The following MTHFS variants were observed in gnomAD, a reference collection of about 807,000 sequenced individuals.
MTHFS encodes 5-formyltetrahydrofolate cyclo-ligase.
A neutral mutation model predicts 12.7 loss-of-function variants in MTHFS; 7 were observed. The ratio of observed to expected loss-of-function variants is 0.55; its 90% CI spans 0.31 to 1.03. The LOEUF is 1.03. Among genes scored for constraint, MTHFS ranks in the 50% least tolerant of loss-of-function variants. The probability of loss-of-function intolerance (pLI) is 0.05; values close to 1 mark genes in which losing one functional copy is unlikely to be tolerated. For synonymous variants in MTHFS, 100 were observed against 97.1 expected, an observed-to-expected ratio of 1.03 and a Z score of -0.18; for missense variants, 252 against 258.1, an observed-to-expected ratio of 0.98 and a Z score of 0.16.
chr15:79,878,382 C>G (rs2034236985), intron 2 of MTHFS, among the ~76,000 whole-genome samples: 1 of 151,532 alleles, frequency 6.6e-6, no homozygotes, highest in Non-Finnish European at 1.5e-5. Flanking sequence ...TAACTTGAGT[C>G]AAGCTTACAC....
intron 2 of MTHFS, among the ~76,000 whole-genome samples, chr15:79,888,303 A>G (rs2034414346): frequency 1.3e-5 from 2 of 152,194 alleles, no homozygotes; most frequent in South Asian, 4.1e-4. Context: ...TGAAAATAGA[A>G]AGATAGCAGG....
chr15:79,881,215 G>A (rs796833430), intron 2 of MTHFS, among the ~76,000 whole-genome samples: 22 of 152,304 alleles, frequency 1.4e-4, no homozygotes, highest in East Asian at 3.9e-4. Context: ...TATATGTAGC[G>A]AGGTTTAAGT....
chr15:79,889,361 G>C lies in MTHFS; in HGVS notation c.118-7C>G, dbSNP rs755303583. 6.2e-7 allele frequency: 1 copy of C among 1,608,794 alleles called. No individual in the cohort carries two copies. The highest frequency in any genetic ancestry group is 1.7e-5 in the Admixed American group (1 of 59,676). ...ACTCACTGTGGGCAATCACCTAAAT[G>C]GGAAATTATGGCAATTATATTTTCC... On this transcript the variant is annotated splice_region_variant and splice_polypyrimidine_tract_variant and intron_variant, in intron 1 of 2. Transcript: ENST00000258874.
At chr15:79,886,798 T>C (rs573187754) in intron 2 of MTHFS, among the ~76,000 whole-genome samples, 1 of 152,364 alleles carries the variant, frequency 6.6e-6, no homozygotes, top group South Asian at 2.1e-4. Flanking sequence ...ACAAAGTAGA[T>C]GGGTGAAAAT....
chr15:79,872,683 G>A (rs1476131410), intron 2 of MTHFS, among the ~76,000 whole-genome samples: 2 of 152,206 alleles, frequency 1.3e-5, no homozygotes, highest in East Asian at 3.8e-4. Flanking sequence ...CCAGGTTGTT[G>A]CCATGGAAAG....
intron 1 of MTHFS, among the ~76,000 whole-genome samples, chr15:79,894,554 T>C (rs967418359): frequency 6.6e-6 from 1 of 152,236 alleles, no homozygotes; most frequent in Non-Finnish European, 1.5e-5. Flanking sequence ...CGTCATTCTA[T>C]TGCTGTCAGT....
At chr15:79,882,865 C>A (rs1471151365) in intron 2 of MTHFS, among the ~76,000 whole-genome samples, 2 of 152,206 alleles carry the variant, frequency 1.3e-5, no homozygotes, top group African/African-American at 4.8e-5. Flanking sequence ...TTCCCCCAGG[C>A]AGGCCCAGCT....
In MTHFS at chr15:79,843,957, T is replaced by C. The variant is rs2033564683; in HGVS notation, c.*1253A>G. On this transcript the variant is annotated 3_prime_UTR_variant, in exon 3 of 3. Coordinates refer to ENST00000258874, the MANE Select transcript of MTHFS (RefSeq NM_006441.4). ...TTCTAGATGAACAACAGAAAGAGCA[T>C]TTCAGACAGAGAGAAATGCATGCTT... The C allele has an allele frequency of 2.0e-5, 3 of 152,212 alleles. No homozygotes were observed. The South Asian group carries it at 6.2e-4, about 32-fold the overall frequency. 9.4% of individuals were successfully genotyped at this position (152,212 alleles called of 1,614,324 possible).
intron 2 of MTHFS, among the ~76,000 whole-genome samples, chr15:79,880,712 C>T (rs75987999): frequency 0.019 from 2,908 of 150,754 alleles, 115 homozygotes; most frequent in African/African-American, 0.067. Context: ...GAGTACTTTT[C>T]TAACCTTTTA....
intron 1 of MTHFS, among the ~76,000 whole-genome samples, chr15:79,890,465 C>G (rs1415672160): frequency 6.6e-6 from 1 of 151,946 alleles, no homozygotes; most frequent in Non-Finnish European, 1.5e-5. Flanking sequence ...CTGAGCTCAA[C>G]TGATCCACCC....
Position 79,896,980 on chromosome 15 carries a change from C to T in MTHFS, c.9G>A (p.Ala3=), listed in dbSNP as rs1476006778. Residue 3 remains alanine (A), a synonymous_variant, in exon 1 of 3, where the codon GCG becomes GCA. Coordinates refer to ENST00000258874, the MANE Select transcript of MTHFS (RefSeq NM_006441.4). ...TCCGCTTGGCGCTGCTCACCGCTGC[C>T]GCCGCCATCTCACGCCCAAGCCGAG... MA[A]AAVSSAKRSL... is the part of the protein sequence containing the mutation. 8 of 1,529,644 alleles carry T rather than the reference C, an allele frequency of 5.2e-6. No individual in the cohort carries two copies. Among genetic ancestry groups the T allele is most frequent in the Non-Finnish European group, 7.0e-6 (8 of 1,143,966 alleles). The allele number at this position is 1,529,644 out of a possible 1,614,324, so 94.8% of individuals were successfully genotyped here.
chr15:79,858,666 A>G (rs1356045240), intron 2 of MTHFS, among the ~76,000 whole-genome samples: 1 of 152,246 alleles, frequency 6.6e-6, no homozygotes, highest in Non-Finnish European at 1.5e-5. Context: ...ATAAATTTGT[A>G]AAACACTGAC....
intron 2 of MTHFS, among the ~76,000 whole-genome samples, chr15:79,871,988 C>T (rs1330041753): frequency 6.6e-6 from 1 of 151,072 alleles, no homozygotes; most frequent in Non-Finnish European, 1.5e-5. Flanking sequence ...ACCTGTAATC[C>T]CAGCTACTAG....
Position 79,889,232 on chromosome 15 carries a change from G to A in MTHFS, c.240C>T (p.Ile80=). The A allele has an allele frequency of 1.9e-6, 3 of 1,614,180 alleles. No individual in the cohort carries two copies. The highest frequency in any genetic ancestry group is 2.5e-6 in the Non-Finnish European group (3 of 1,180,030). Residue 80 remains isoleucine, a synonymous_variant, in exon 2 of 3, where the codon ATC becomes ATT. Coordinates refer to ENST00000258874, the MANE Select transcript of MTHFS (RefSeq NM_006441.4). ...GATTGCTCTGGAACCGGTACCGAGG[G>A]ATGAAGCAGATTTTGCCTCGTTGGA... The part of the protein sequence containing the change: ...DIFQRGKICF[I]PRYRFQSNHM...
intron 1 of MTHFS, among the ~76,000 whole-genome samples, chr15:79,896,300 C>T (rs1212135866): frequency 1.3e-5 from 2 of 152,226 alleles, no homozygotes; most frequent in Non-Finnish European, 2.9e-5. Flanking sequence ...AGCCTTAGCC[C>T]TCCATATGCT....
intron 2 of MTHFS, among the ~76,000 whole-genome samples, chr15:79,883,412 A>C (rs767045166): frequency 3.3e-5 from 5 of 152,182 alleles, no homozygotes; most frequent in Admixed American, 1.3e-4. Context: ...CTACAACATA[A>C]ACCATATGAC....
intron 1 of MTHFS, among the ~76,000 whole-genome samples, 191 bp from the exon 2 acceptor site, chr15:79,889,545 C>T (rs2034438251): frequency 6.6e-6 from 1 of 152,018 alleles, no homozygotes; most frequent in Non-Finnish European, 1.5e-5. Context: ...TAGTTTGGGA[C>T]CCAGCACTTA....
At chr15:79,863,306 A>G (rs1401526857) in intron 2 of MTHFS, among the ~76,000 whole-genome samples, 1 of 152,206 alleles carries the variant, frequency 6.6e-6, no homozygotes, top group East Asian at 1.9e-4. Flanking sequence ...TATTTCTGGC[A>G]GAACAACCTT....
intron 2 of MTHFS, among the ~76,000 whole-genome samples, chr15:79,845,743 T>C (rs957440170): frequency 6.6e-6 from 1 of 152,166 alleles, no homozygotes; most frequent in African/African-American, 2.4e-5. Flanking sequence ...TAGGGCCCTC[T>C]TTTTTCTAGC....
Sources: gnomAD v4.1 joint callset for allele counts (sites outside exome capture counted in the v4.1 genomes callset) on GRCh38, gnomAD v4.1.1 for gene constraint, MANE v1.5 for transcripts, NCBI Gene and HGNC (gene_info 2026-07-23, HGNC 2026-07-21) for gene names.